MAOB: variants seen among roughly 807,000 people sequenced by gnomAD.
The protein encoded by MAOB is amine oxidase [flavin-containing] B.
In MAOB, 15 loss-of-function variants were observed where a neutral mutation model predicts 41.9. The observed-to-expected ratio is 0.36, with a 90% CI of 0.24 to 0.55. MAOB has a LOEUF of 0.55. MAOB is among the 20% of genes least tolerant of loss of function. The probability of loss-of-function intolerance (pLI) is 0.86; values close to 1 mark genes in which losing one functional copy is unlikely to be tolerated. For synonymous variants in MAOB, 167 were observed against 144.2 expected (o/e 1.16, Z -1.13); for missense variants, 345 against 398.7 (o/e 0.87, Z 1.15).
intron 5 of MAOB, among the ~76,000 whole-genome samples, chrX:43,797,805 A>G (rs1300111981): frequency 1.8e-5 from 2 of 111,696 alleles, no homozygotes; most frequent in African/African-American, 6.5e-5. Context: ...CCACACTCAA[A>G]GCCAGAGGCT....
At chrX:43,786,841 G>C (rs970350774) in intron 8 of MAOB, among the ~76,000 whole-genome samples, 1 of 111,056 alleles carries the variant, frequency 9.0e-6, no homozygotes, top group Non-Finnish European at 1.9e-5. Context: ...CTTAATGGAG[G>C]TGAAGGAACA....
intron 3 of MAOB, among the ~76,000 whole-genome samples, chrX:43,822,006 T>C (rs961869580): frequency 4.5e-5 from 5 of 112,102 alleles, no homozygotes; most frequent in African/African-American, 1.6e-4. Flanking sequence ...GAAGTCTGTG[T>C]CTCCAGAATT....
intron 3 of MAOB, among the ~76,000 whole-genome samples, chrX:43,823,551 A>G (rs933283323): frequency 1.2e-4 from 13 of 111,469 alleles, no homozygotes; most frequent in African/African-American, 4.2e-4. Flanking sequence ...GGCTCTGAGG[A>G]ACTTTGATAT....
chrX:43,875,756 A>G (rs772249988), intron 1 of MAOB, among the ~76,000 whole-genome samples: 3 of 110,965 alleles, frequency 2.7e-5, no homozygotes, highest in Non-Finnish European at 5.7e-5. Context: ...CAAATAACAA[A>G]GTTAACATTT....
At chrX:43,826,748 C>T (rs1243910792) in intron 3 of MAOB, among the ~76,000 whole-genome samples, 1 of 110,861 alleles carries the variant, frequency 9.0e-6, no homozygotes, top group Non-Finnish European at 1.9e-5. Context: ...GAGTCCACTT[C>T]TCCGATGACA....
chrX:43,780,758 C>A (rs2034321762), intron 9 of MAOB, among the ~76,000 whole-genome samples: 1 of 111,777 alleles, frequency 8.9e-6, no homozygotes, highest in Admixed American at 9.5e-5. Flanking sequence ...TCATCCAGTC[C>A]TTGCTCTTTG....
At chrX:43,827,798 G>T (rs1214739659) in intron 3 of MAOB, among the ~76,000 whole-genome samples, 1 of 111,472 alleles carries the variant, frequency 9.0e-6, no homozygotes, top group Non-Finnish European at 1.9e-5. Context: ...AGATTGGTGG[G>T]GCATATCATT....
chrX:43,794,457 T>C (rs940695318), intron 7 of MAOB, among the ~76,000 whole-genome samples: 5 of 110,473 alleles, frequency 4.5e-5, no homozygotes, highest in Middle Eastern at 4.3e-3. Context: ...ACATACTTTA[T>C]ATTATAACTA....
rs1378086580 is a variant in MAOB, at chrX:43,802,229, G to A, written c.419C>T (p.Ala140Val). Reference protein sequence around the residue: ...PSDAPWKAPLAEEWDNMTMKE... With the variant: ...PSDAPWKAPLVEEWDNMTMKE... Reference sequence around the variant, plus strand: ...CATTGTCATGTTGTCCCACTCTTCTGCAAGGGGAGCCTTCCATGGGGCATC... The same window carrying A: ...CATTGTCATGTTGTCCCACTCTTCTACAAGGGGAGCCTTCCATGGGGCATC... Residue 140 changes from alanine to valine, a missense_variant, in exon 5 of 15, where the codon GCA becomes GTA. Transcript: ENST00000378069. 8.3e-7 allele frequency: 1 copy of A among 1,204,590 alleles called. No homozygotes were observed. Among genetic ancestry groups the A allele is most frequent in the Admixed American group, 2.2e-5 (1 of 45,600 alleles).
rs765621342 is a variant in MAOB, at chrX:43,851,474, T to G, written c.47-7710A>C. ...CATTTCCTTAAGCAATTGTACTCCC[T>G]CAGTTATTCTAAAATACCATGATCA... On this transcript the variant is annotated intron_variant, in intron 1 of 14. Transcript: ENST00000378069. Among the ~76,000 whole-genome samples the G allele has an allele frequency of 1.3e-4, 14 of 111,953 alleles. No individual in the cohort carries two copies. The South Asian group carries it at 5.3e-3, about 43-fold the overall frequency.
intron 7 of MAOB, among the ~76,000 whole-genome samples, chrX:43,795,172 T>C (rs747400898): frequency 8.9e-6 from 1 of 111,811 alleles, no homozygotes; most frequent in East Asian, 2.8e-4. Context: ...GCTTCCAGAA[T>C]TTCTGACCAA....
chrX:43,827,307 G>A (rs755178445), intron 3 of MAOB, among the ~76,000 whole-genome samples: 1 of 112,137 alleles, frequency 8.9e-6, no homozygotes, highest in African/African-American at 3.2e-5. Context: ...TTATGTGGCT[G>A]TGTCAGATGG....
In MAOB at chrX:43,767,623, G is replaced by T. The variant is rs2034128036; in HGVS notation, c.1411-5C>A. 1 of 1,203,683 alleles carries T rather than the reference G, an allele frequency of 8.3e-7. No individual in the cohort carries two copies. Among genetic ancestry groups the T allele is most frequent in the African/African-American group, 1.7e-5 (1 of 57,545 alleles). On this transcript the variant is annotated splice_polypyrimidine_tract_variant and splice_region_variant and intron_variant, in intron 14 of 14. Coordinates refer to ENST00000378069, the MANE Select transcript of MAOB (RefSeq NM_000898.5). ...GATGGGCTGTGCAGGGACATCCTAG[G>T]TTCAGAAAACATTGGGTATTAGTAC...
chrX:43,832,719 CAA>C (rs1193940013), intron 3 of MAOB, among the ~76,000 whole-genome samples: 12 of 111,742 alleles, frequency 1.1e-4, no homozygotes, highest in Non-Finnish European at 5.6e-5. Flanking sequence ...TTCGGGGAGT[CAA>C]GTTATATAAG....
intron 5 of MAOB, among the ~76,000 whole-genome samples, chrX:43,798,743 C>T (rs1246972076): frequency 9.0e-6 from 1 of 111,657 alleles, no homozygotes; most frequent in Non-Finnish European, 1.9e-5. Context: ...CATTTTCCAC[C>T]TGGTAATGCT....
At chrX:43,790,326 G>A (rs1244064620) in intron 8 of MAOB, among the ~76,000 whole-genome samples, 1 of 111,739 alleles carries the variant, frequency 8.9e-6, no homozygotes, top group Non-Finnish European at 1.9e-5. Flanking sequence ...AATGTAACAG[G>A]AATCATATTG....
intron 1 of MAOB, among the ~76,000 whole-genome samples, chrX:43,877,597 T>G (rs1025375044): frequency 4.5e-5 from 5 of 112,134 alleles, no homozygotes; most frequent in Non-Finnish European, 7.5e-5. Context: ...ATAATATCAT[T>G]TGTTATTAAT....
At chrX:43,795,964 A>G (rs1328595348) in intron 6 of MAOB, 76 bp from the exon 7 acceptor site, 14 of 1,015,967 alleles carry the variant, frequency 1.4e-5, no homozygotes, top group Non-Finnish European at 1.7e-5. Context: ...GTCCTCACAT[A>G]TGTCTACTCT....
In MAOB at chrX:43,793,719, C is replaced by G. The variant is rs6520901; in HGVS notation, c.769-141G>C. On this transcript the variant is annotated intron_variant, in intron 7 of 14. Transcript: ENST00000378069. The stretch of plus-strand genomic sequence containing the variant: ...GATTTTGTCGAAACCTAAAGTAGCC[C>G]TTATTGTTCCTTAGTTCAAAACCTC... 553 of 468,123 alleles carry G rather than the reference C, an allele frequency of 1.2e-3. 3 individuals are homozygous for G. The African/African-American group carries it at 0.012, about 10-fold the overall frequency. The allele number at this position is 468,123 out of a possible 1,213,427, so 38.6% of individuals were successfully genotyped here.
Sources: allele counts gnomAD v4.1 joint callset (sites outside exome capture counted in the v4.1 genomes callset), GRCh38; gene constraint gnomAD v4.1.1; transcripts MANE v1.5; gene names NCBI Gene and HGNC (gene_info 2026-07-23, HGNC 2026-07-21).